FBXO34: variants seen among roughly 807,000 people sequenced by gnomAD.
FBXO34 encodes F-box only protein 34.
Under a neutral mutation model 24.5 loss-of-function variants are expected in FBXO34, and 12 were observed. The ratio of observed to expected loss-of-function variants is 0.49; its 90% CI spans 0.31 to 0.79. The LOEUF (loss-of-function observed/expected upper bound fraction) is 0.79, where lower values mean the gene tolerates loss of function less well. Among genes scored for constraint, FBXO34 ranks in the 30% least tolerant of loss-of-function variants. The probability of loss-of-function intolerance (pLI) is 0.04; values close to 1 mark genes in which losing one functional copy is unlikely to be tolerated. For synonymous variants in FBXO34, 320 were observed against 311.9 expected, an observed-to-expected ratio of 1.03 and a Z score of -0.27; for missense variants, 823 against 857.7, an observed-to-expected ratio of 0.96 and a Z score of 0.51.
At chr14:55,384,730 G>A in the FBXO34 span, among the ~76,000 whole-genome samples, 2 of 152,316 alleles carry the variant, frequency 1.3e-5, no homozygotes, top group South Asian at 2.1e-4. Flanking sequence ...TCCAGTGAAC[G>A]TCAGTTTCCA....
chr14:55,313,500 C>G (rs147609129), intron 1 of FBXO34, among the ~76,000 whole-genome samples: 15 of 152,282 alleles, frequency 9.9e-5, no homozygotes, highest in African/African-American at 3.6e-4. Context: ...GTGCCCCACT[C>G]TTGATATCAA....
At chr14:55,365,559 A>G (rs924383465), downstream of FBXO34, among the ~76,000 whole-genome samples, 4 of 152,156 alleles carry the variant, frequency 2.6e-5, no homozygotes, top group Admixed American at 1.3e-4. Context: ...CCCACTACCA[A>G]TGACAAAGTT....
At chr14:55,359,967 C>T (rs1884571779) in intron 3 of FBXO34, among the ~76,000 whole-genome samples, 1 of 151,078 alleles carries the variant, frequency 6.6e-6, no homozygotes. Flanking sequence ...ATAGTCCCAA[C>T]TAGTTGAGGC....
chr14:55,312,472 C>G lies in FBXO34; in HGVS notation c.-10-37909C>G, dbSNP rs910711447. Among the ~76,000 whole-genome samples the G allele has an allele frequency of 2.4e-4, 37 of 152,144 alleles. 1 individual carries two copies. The highest frequency in any genetic ancestry group is 2.4e-3 in the Admixed American group (37 of 15,280). ...TTCTCACAGCTCAACTAGGCAGTAC[C>G]CCAGTGGAGACTCTGTGTGGGGGCT... is the stretch of plus-strand genomic sequence containing the variant. On this transcript the variant is annotated intron_variant, in intron 1 of 1. Transcript: ENST00000313833.
At chr14:55,437,970 T>C in the FBXO34 span, among the ~76,000 whole-genome samples, 1 of 152,230 alleles carries the variant, frequency 6.6e-6, no homozygotes, top group South Asian at 2.1e-4. Context: ...ACTACCATTA[T>C]CCAGCAACGG....
At chr14:55,397,943 CTTTTTTTT>C in the FBXO34 span, among the ~76,000 whole-genome samples, 2 of 105,558 alleles carry the variant, frequency 1.9e-5, no homozygotes, top group African/African-American at 3.9e-5. Context: ...TGCAGTAATT[CTTTTTTTT>C]TTTTTTTTTT....
At chr14:55,390,663 G>A in the FBXO34 span, among the ~76,000 whole-genome samples, 12 of 152,178 alleles carry the variant, frequency 7.9e-5, no homozygotes, top group Admixed American at 3.3e-4. Flanking sequence ...GAGCTACCAC[G>A]CCTGGCGCCT....
chr14:55,285,897 T>A (rs1881745233), intron 1 of FBXO34, among the ~76,000 whole-genome samples: 1 of 152,330 alleles, frequency 6.6e-6, no homozygotes, highest in African/African-American at 2.4e-5. Flanking sequence ...TTTTGGACTC[T>A]TGCATAAGTC....
the FBXO34 span, chr14:55,411,952 G>A: frequency 1.2e-6 from 1 of 819,418 alleles, no homozygotes; most frequent in Non-Finnish European, 1.9e-6. Flanking sequence ...GCCGCCGCGT[G>A]TTCCTGTCCC....
At chr14:55,319,072 A>G (rs756108355) in intron 1 of FBXO34, among the ~76,000 whole-genome samples, 1 of 152,148 alleles carries the variant, frequency 6.6e-6, no homozygotes, top group Non-Finnish European at 1.5e-5. Context: ...GAAGGTGGAA[A>G]TTTAAGTAGG....
intron 1 of FBXO34, among the ~76,000 whole-genome samples, chr14:55,282,989 C>G (rs1439942582): frequency 6.6e-6 from 1 of 152,170 alleles, no homozygotes; most frequent in Non-Finnish European, 1.5e-5. Context: ...CAAGTTCAGT[C>G]ATCAGGATTA....
the FBXO34 span, among the ~76,000 whole-genome samples, chr14:55,432,911 A>AGCTAAT: frequency 1.3e-5 from 2 of 152,338 alleles, no homozygotes; most frequent in Non-Finnish European, 2.9e-5. Context: ...AGCTAATGCA[A>AGCTAAT]GCTAATGCTC....
intron 1 of FBXO34, among the ~76,000 whole-genome samples, chr14:55,307,495 A>G (rs192020249): frequency 1.7e-4 from 26 of 152,298 alleles, no homozygotes; most frequent in Admixed American, 1.0e-3. Flanking sequence ...TGTCCTCCAA[A>G]TGTTTATTTA....
chr14:55,381,930 A>G, the FBXO34 span: 72 of 1,563,124 alleles, frequency 4.6e-5, no homozygotes, highest in African/African-American at 1.4e-5. Context: ...CTCTCTCTAT[A>G]TATAGATTTC....
chr14:55,390,240 TTTGTATTTTTAGTAGAGA>T, the FBXO34 span, among the ~76,000 whole-genome samples: 1 of 151,654 alleles, frequency 6.6e-6, no homozygotes, highest in Admixed American at 6.6e-5. Context: ...CCGGCTAATT[TTTGTATTTTTAGTAGAGA>T]TGGGGTTTCA....
intron 1 of FBXO34, among the ~76,000 whole-genome samples, chr14:55,309,824 C>G (rs1882675305): frequency 6.6e-6 from 1 of 152,108 alleles, no homozygotes; most frequent in African/African-American, 2.4e-5. Flanking sequence ...GACACAAAGA[C>G]CACTGGAGTT....
chr14:55,326,734 G>T (rs550552023), intron 1 of FBXO34, among the ~76,000 whole-genome samples: 1 of 152,270 alleles, frequency 6.6e-6, no homozygotes, highest in South Asian at 2.1e-4. Flanking sequence ...TGGATACGAT[G>T]ATCAAAAAGA....
chr14:55,295,387 A>ATTTTTTT (rs3051307), intron 1 of FBXO34, among the ~76,000 whole-genome samples: 6 of 91,408 alleles, frequency 6.6e-5, no homozygotes, highest in East Asian at 2.9e-4. Context: ...ATTCTTTTCT[A>ATTTTTTT]TTTTTTTTTT....
chr14:55,417,078 T>A, the FBXO34 span, among the ~76,000 whole-genome samples: 1 of 152,218 alleles, frequency 6.6e-6, no homozygotes, highest in Non-Finnish European at 1.5e-5. Context: ...AATGGACATT[T>A]GAGGGATCAT....
Sources: allele counts gnomAD v4.1 joint callset (sites outside exome capture counted in the v4.1 genomes callset), GRCh38; gene constraint gnomAD v4.1.1; transcripts MANE v1.5; gene names NCBI Gene and HGNC (gene_info 2026-07-23, HGNC 2026-07-21).